Variants in CCBE1 observed in about 807,000 individuals in gnomAD.
The protein encoded by CCBE1 is collagen and calcium-binding EGF domain-containing protein 1.
CCBE1 carries 37 observed loss-of-function variants against 50.0 expected under a neutral mutation model. That is an observed-to-expected ratio of 0.74 (90% CI 0.57 to 0.97). CCBE1 has a LOEUF of 0.97. Among genes scored for constraint, CCBE1 ranks in the 50% least tolerant of loss-of-function variants. The pLI is 0.00. For synonymous variants in CCBE1, 234 were observed against 203.7 expected (o/e 1.15, Z -1.27); for missense variants, 538 against 523.8 (o/e 1.03, Z -0.26).
chr18:59,547,257 G>T (rs948668891), intron 2 of CCBE1, among the ~76,000 whole-genome samples: 5 of 151,982 alleles, frequency 3.3e-5, no homozygotes, highest in African/African-American at 1.2e-4. Context: ...GTGAGGGGAG[G>T]GTTATCTGAG....
At position 59,548,935 on chromosome 18, in the gene CCBE1, T is replaced by A. The variant is rs574880363; in HGVS notation, c.213-68697A>T. On this transcript the variant is annotated intron_variant, in intron 2 of 10. Transcript: ENST00000439986. ...CTGGCCAACATGGCAAAACCCCCTA[T>A]GTATTAAAAATACAAAAATTAGCCG... 1.2e-4 allele frequency among the ~76,000 whole-genome samples: 19 copies of A among 152,058 alleles called. No homozygotes were observed. In the East Asian group the frequency reaches 3.7e-3, roughly 30 times the overall value.
At chr18:59,539,077 G>A (rs1182967501) in intron 2 of CCBE1, among the ~76,000 whole-genome samples, 2 of 152,102 alleles carry the variant, frequency 1.3e-5, no homozygotes, top group Admixed American at 1.3e-4. Context: ...TCAGGAGGCT[G>A]AAGCAGGAGG....
chr18:59,494,960 C>T (rs989072005), intron 2 of CCBE1, among the ~76,000 whole-genome samples: 2 of 152,090 alleles, frequency 1.3e-5, no homozygotes, highest in Non-Finnish European at 2.9e-5. Flanking sequence ...CTGAGACCAG[C>T]CTGGCCAACA....
At chr18:59,456,417 T>C (rs1261845024) in intron 5 of CCBE1, among the ~76,000 whole-genome samples, 1 of 152,178 alleles carries the variant, frequency 6.6e-6, no homozygotes, top group Non-Finnish European at 1.5e-5. Flanking sequence ...ATGATGGGTG[T>C]CTTTATACAA....
intron 2 of CCBE1, among the ~76,000 whole-genome samples, chr18:59,502,949 C>G (rs1007803731): frequency 3.3e-5 from 5 of 152,222 alleles, no homozygotes; most frequent in Non-Finnish European, 5.9e-5. Flanking sequence ...TACAAAGGAA[C>G]AGTGACCAAC....
intron 2 of CCBE1, among the ~76,000 whole-genome samples, chr18:59,541,714 G>A (rs1915472163): frequency 6.6e-6 from 1 of 152,182 alleles, no homozygotes; most frequent in African/African-American, 2.4e-5. Flanking sequence ...AGGAAGAGTT[G>A]AAGGGAAAGA....
intron 2 of CCBE1, among the ~76,000 whole-genome samples, chr18:59,601,019 T>TG: frequency 2.0e-5 from 1 of 50,688 alleles, no homozygotes; most frequent in Non-Finnish European, 3.7e-5. Context: ...AGTTTTTTTT[T>TG]TTTTTTTTTT....
At chr18:59,500,652 C>G (rs975413043) in intron 2 of CCBE1, among the ~76,000 whole-genome samples, 6 of 152,146 alleles carry the variant, frequency 3.9e-5, no homozygotes, top group Non-Finnish European at 8.8e-5. Context: ...AGGGGCCTGT[C>G]CCTGGAGGGT....
intron 2 of CCBE1, among the ~76,000 whole-genome samples, chr18:59,560,119 C>T (rs1325689978): frequency 6.6e-6 from 1 of 152,214 alleles, no homozygotes; most frequent in African/African-American, 2.4e-5. Context: ...AAGGCTGGAA[C>T]AGCCTTTCTG....
chr18:59,677,228 A>C (rs574402472), intron 2 of CCBE1, among the ~76,000 whole-genome samples: 2 of 152,328 alleles, frequency 1.3e-5, no homozygotes, highest in South Asian at 4.1e-4. Context: ...TAGCCCAAAA[A>C]GTCCCAAACT....
At chr18:59,543,649 C>A (rs1320183917) in intron 2 of CCBE1, among the ~76,000 whole-genome samples, 3 of 152,084 alleles carry the variant, frequency 2.0e-5, no homozygotes, top group African/African-American at 7.2e-5. Flanking sequence ...TCCTGGCTAA[C>A]AGGGTGAAAC....
intron 2 of CCBE1, among the ~76,000 whole-genome samples, chr18:59,575,147 C>T (rs1277404901): frequency 6.6e-6 from 1 of 152,190 alleles, no homozygotes; most frequent in African/African-American, 2.4e-5. Context: ...CCAGGCAGTT[C>T]TCTGAAGGAA....
chr18:59,662,105 C>T (rs1253107618), intron 2 of CCBE1, among the ~76,000 whole-genome samples: 1 of 152,212 alleles, frequency 6.6e-6, no homozygotes, highest in Non-Finnish European at 1.5e-5. Flanking sequence ...GAGCACTAGA[C>T]ATGTCAGCAC....
chr18:59,562,944 T>C (rs1252109217), intron 2 of CCBE1, among the ~76,000 whole-genome samples: 1 of 152,194 alleles, frequency 6.6e-6, no homozygotes, highest in African/African-American at 2.4e-5. Context: ...GTGGTGGTGT[T>C]CAGGGAATGG....
At chr18:59,644,117 C>T (rs1475063792) in intron 2 of CCBE1, among the ~76,000 whole-genome samples, 1 of 152,138 alleles carries the variant, frequency 6.6e-6, no homozygotes, top group Non-Finnish European at 1.5e-5. Context: ...AACTGTTCCG[C>T]CTTAGATCAT....
intron 2 of CCBE1, among the ~76,000 whole-genome samples, chr18:59,589,496 A>G (rs550405493): frequency 3.9e-4 from 60 of 152,254 alleles, no homozygotes; most frequent in African/African-American, 1.4e-3. Flanking sequence ...AATCTCATTA[A>G]AAATGTTACA....
intron 2 of CCBE1, among the ~76,000 whole-genome samples, chr18:59,571,690 A>G (rs1227954567): frequency 2.6e-5 from 4 of 152,250 alleles, no homozygotes; most frequent in African/African-American, 9.6e-5. Context: ...GAATAAACAT[A>G]TGGATGAAAT....
chr18:59,619,172 CAT>C (rs1361923984), intron 2 of CCBE1, among the ~76,000 whole-genome samples: 2 of 152,270 alleles, frequency 1.3e-5, no homozygotes, highest in South Asian at 2.1e-4. Context: ...TTATATAGTA[CAT>C]GTTTACTTGA....
intron 2 of CCBE1, among the ~76,000 whole-genome samples, chr18:59,680,622 C>G (rs1447564517): frequency 6.6e-6 from 1 of 151,284 alleles, no homozygotes; most frequent in Admixed American, 6.6e-5. Flanking sequence ...GGCGTGAACC[C>G]GGGAGGCGGA....
Sources: gnomAD v4.1 joint callset for allele counts (sites outside exome capture counted in the v4.1 genomes callset) on GRCh38, gnomAD v4.1.1 for gene constraint, MANE v1.5 for transcripts, NCBI Gene and HGNC (gene_info 2026-07-23, HGNC 2026-07-21) for gene names.